The following TOM1L2 variants were observed in gnomAD, a reference collection of about 807,000 sequenced individuals.
TOM1L2 encodes the protein target of myb1 like 2 membrane trafficking protein.
Under a neutral mutation model 67.9 loss-of-function variants are expected in TOM1L2, and 31 were observed. That is an observed-to-expected ratio of 0.46 (90% CI 0.34 to 0.62). TOM1L2 has a LOEUF of 0.62. Among genes scored for constraint, TOM1L2 ranks in the 20% least tolerant of loss-of-function variants. The pLI, the probability that TOM1L2 is intolerant of heterozygous loss-of-function variation, is 0.01. For missense variants in TOM1L2, 606 were observed against 663.5 expected (o/e 0.91, Z 0.95); for synonymous variants, 256 against 254.0 (o/e 1.01, Z -0.07).
At position 17,903,100 on chromosome 17, in the gene TOM1L2, C is replaced by T. The variant is rs2038928844; in HGVS notation, c.137+4347G>A. ...TGTCACTTCCTCCAAGAAGGCTTTGCTGCCAAAAGTCCCAAGGCTGACCAC... is the reference window on the plus strand; with the variant it reads ...TGTCACTTCCTCCAAGAAGGCTTTGTTGCCAAAAGTCCCAAGGCTGACCAC... On this transcript the variant is annotated intron_variant, in intron 2 of 14. Coordinates refer to ENST00000379504, the MANE Select transcript of TOM1L2 (RefSeq NM_001082968.2). 2.6e-5 allele frequency among the ~76,000 whole-genome samples: 4 copies of T among 152,276 alleles called. 1 individual carries two copies. The South Asian group carries it at 8.3e-4, about 32-fold the overall frequency.
intron 1 of TOM1L2, among the ~76,000 whole-genome samples, chr17:17,952,397 T>C (rs981879098): frequency 7.3e-6 from 1 of 136,400 alleles, no homozygotes; most frequent in East Asian, 2.1e-4. Context: ...TTTTTTTTTT[T>C]TTTTTTTTTT....
At chr17:17,885,852 G>A (rs1025090055) in intron 4 of TOM1L2, among the ~76,000 whole-genome samples, 9 of 147,950 alleles carry the variant, frequency 6.1e-5, no homozygotes, top group African/African-American at 1.5e-4. Flanking sequence ...GTGAATCCGG[G>A]AGGCAGAGCT....
At chr17:17,881,382 C>T in intron 6 of TOM1L2, among the ~76,000 whole-genome samples, 1 of 152,178 alleles carries the variant, frequency 6.6e-6, no homozygotes, top group Admixed American at 6.5e-5. Context: ...CTCAGGGCTC[C>T]TGTGCTACCT....
rs1031057821 is a variant in TOM1L2 at position 17,843,992 on chromosome 17, G to C, written c.*3643C>G. 7 of 152,396 alleles carry C rather than the reference G, an allele frequency of 4.6e-5. No homozygotes were observed. The highest frequency in any genetic ancestry group is 1.4e-4 in the African/African-American group (6 of 41,450). 9.4% of individuals were successfully genotyped at this position (152,396 alleles called of 1,614,324 possible). A position where few individuals can be genotyped will look rare whatever the true frequency, so the allele number is the denominator to read the frequency against. ...GCTGACAGACAATGTCTCTGGGGTG[G>C]AAACACTTCTCTCTGGGTGGGGAAG... On this transcript the variant is annotated 3_prime_UTR_variant, in exon 15 of 15. Transcript: ENST00000379504.
chr17:17,903,842 A>G (rs1433267530), intron 2 of TOM1L2, among the ~76,000 whole-genome samples: 1 of 151,938 alleles, frequency 6.6e-6, no homozygotes, highest in Admixed American at 6.6e-5. Flanking sequence ...AAACTGAGAG[A>G]TCCAGTGAAT....
chr17:17,913,428 GC>G (rs935681931), intron 1 of TOM1L2, among the ~76,000 whole-genome samples: 38 of 152,074 alleles, frequency 2.5e-4, no homozygotes, highest in African/African-American at 8.9e-4. Context: ...TCTAAGCCCA[GC>G]CCCAGGCCAG....
intron 7 of TOM1L2, chr17:17,871,982 G>A (rs2037178133): frequency 1.0e-6 from 1 of 985,376 alleles, no homozygotes; most frequent in African/African-American, 1.7e-5. Flanking sequence ...TGTTGTGAAT[G>A]GCTCATGTCC....
At chr17:17,878,273 G>A (rs951667497) in intron 7 of TOM1L2, among the ~76,000 whole-genome samples, 60 of 152,250 alleles carry the variant, frequency 3.9e-4, no homozygotes, top group African/African-American at 1.4e-3. Context: ...TCAGGAGTGA[G>A]GTCTGGGAAC....
chr17:17,950,578 C>T (rs1181013112), intron 1 of TOM1L2, among the ~76,000 whole-genome samples: 1 of 152,144 alleles, frequency 6.6e-6, no homozygotes, highest in Non-Finnish European at 1.5e-5. Context: ...TGTATGCTCC[C>T]ATTCTAATGA....
rs1182542743 is a variant in TOM1L2, at chr17:17,844,269, C to A, written c.*3366G>T. The stretch of plus-strand genomic sequence containing the variant: ...GGGGGCCCAGGGTGGGGTGTGGCAG[C>A]GGGAAGGAGGGGGGCAGGAGCGTGA... On this transcript the variant is annotated 3_prime_UTR_variant, in exon 15 of 15. Transcript: ENST00000379504. The A allele has an allele frequency of 6.6e-6, 1 of 152,282 alleles. No homozygotes were observed. The highest frequency in any genetic ancestry group is 6.5e-5 in the Admixed American group (1 of 15,288). 9.4% of individuals were successfully genotyped at this position (152,282 alleles called of 1,614,324 possible). A position where few individuals can be genotyped will look rare whatever the true frequency, so the allele number is the denominator to read the frequency against.
intron 4 of TOM1L2, 121 bp from the exon 5 acceptor site, chr17:17,884,889 C>T: frequency 3.0e-6 from 4 of 1,328,786 alleles, no homozygotes; most frequent in Non-Finnish European, 3.1e-6. Context: ...ATGCAAATTG[C>T]ACTGGCTAAA....
At chr17:17,943,994 C>T (rs1300596167) in intron 1 of TOM1L2, among the ~76,000 whole-genome samples, 1 of 152,242 alleles carries the variant, frequency 6.6e-6, no homozygotes, top group African/African-American at 2.4e-5. Context: ...TGAAGGCAGT[C>T]CTTACTCTGC....
In TOM1L2 at chr17:17,895,778, A is replaced by G. The variant is rs946046238; in HGVS notation, c.217-1968T>C. 3.3e-5 allele frequency among the ~76,000 whole-genome samples: 5 copies of G among 152,266 alleles called. No homozygotes were observed. In the East Asian group the frequency reaches 9.7e-4, roughly 29 times the overall value. On this transcript the variant is annotated intron_variant, in intron 3 of 14. Coordinates refer to ENST00000379504, the MANE Select transcript of TOM1L2 (RefSeq NM_001082968.2). Reference sequence around the variant, plus strand: ...TCAGATGACAGGCAACATGTGTTAGATTTATTGTTCCCCCCTTTGGTCCTT... The same window carrying G: ...TCAGATGACAGGCAACATGTGTTAGGTTTATTGTTCCCCCCTTTGGTCCTT...
chr17:17,874,930 T>C (rs1391609388), intron 7 of TOM1L2, among the ~76,000 whole-genome samples: 13 of 152,076 alleles, frequency 8.5e-5, no homozygotes. Context: ...AGCTTTACCA[T>C]CTCTTGGCTT....
intron 1 of TOM1L2, among the ~76,000 whole-genome samples, chr17:17,958,276 G>A (rs773560651): frequency 6.6e-6 from 1 of 152,160 alleles, no homozygotes; most frequent in Admixed American, 6.5e-5. Flanking sequence ...CAAATCAGCA[G>A]CAGAGCAGTG....
chr17:17,918,297 G>A (rs767898569), intron 1 of TOM1L2, among the ~76,000 whole-genome samples: 1 of 151,536 alleles, frequency 6.6e-6, no homozygotes, highest in African/African-American at 2.4e-5. Flanking sequence ...TACATGTAAA[G>A]TCATGTCATC....
At chr17:17,923,857 G>C (rs1435947636) in intron 1 of TOM1L2, among the ~76,000 whole-genome samples, 1 of 152,016 alleles carries the variant, frequency 6.6e-6, no homozygotes, top group African/African-American at 2.4e-5. Flanking sequence ...AAAAAAAAAG[G>C]CCGGGCGCGG....
intron 7 of TOM1L2, among the ~76,000 whole-genome samples, chr17:17,874,432 G>A (rs758609639): frequency 3.3e-5 from 5 of 151,800 alleles, no homozygotes; most frequent in Non-Finnish European, 5.9e-5. Flanking sequence ...CACCACACCC[G>A]GCTAATTTTT....
intron 1 of TOM1L2, among the ~76,000 whole-genome samples, chr17:17,937,457 G>A (rs2040554421): frequency 6.6e-6 from 1 of 152,176 alleles, no homozygotes; most frequent in Admixed American, 6.5e-5. Flanking sequence ...AGGTAAGAAT[G>A]GTGAGGGCCA....
Sources: gnomAD v4.1 joint callset for allele counts (sites outside exome capture counted in the v4.1 genomes callset) on GRCh38, gnomAD v4.1.1 for gene constraint, MANE v1.5 for transcripts, NCBI Gene and HGNC (gene_info 2026-07-23, HGNC 2026-07-21) for gene names.